SORCS2: variants seen among roughly 807,000 people sequenced by gnomAD.
SORCS2 encodes the protein sortilin related VPS10 domain containing receptor 2, also known as VPS10 domain-containing receptor SorCS2.
A neutral mutation model predicts 141.6 loss-of-function variants in SORCS2; 100 were observed. The ratio of observed to expected loss-of-function variants is 0.71; its 90% CI spans 0.60 to 0.83. The LOEUF (loss-of-function observed/expected upper bound fraction) is 0.83, where lower values mean the gene tolerates loss of function less well. SORCS2 is among the 40% of genes least tolerant of loss of function. The pLI is 0.00. For synonymous variants in SORCS2, 789 were observed against 676.9 expected (o/e 1.17, Z -2.57); for missense variants, 1,646 against 1,560.2 (o/e 1.05, Z -0.93).
At chr4:7,316,212 T>TTCCATCCA (rs376660766) in intron 1 of SORCS2, among the ~76,000 whole-genome samples, 20,671 of 150,284 alleles carry the variant, frequency 0.14, 1,716 homozygotes, top group Middle Eastern at 0.19. Context: ...CTAGCTTTCC[T>TTCCATCCA]TCCATCCATC....
At chr4:7,672,218 C>T (rs547242559) in intron 8 of SORCS2, among the ~76,000 whole-genome samples, 3 of 152,336 alleles carry the variant, frequency 2.0e-5, no homozygotes, top group African/African-American at 4.8e-5. Flanking sequence ...GCTGGGACTA[C>T]AGCCGTGATC....
chr4:7,210,721 G>T (rs1728014821), intron 1 of SORCS2, among the ~76,000 whole-genome samples: 1 of 152,200 alleles, frequency 6.6e-6, no homozygotes, highest in South Asian at 2.1e-4. Context: ...GGTGTATGGT[G>T]CCCACCTGAT....
intron 1 of SORCS2, among the ~76,000 whole-genome samples, chr4:7,385,284 G>C (rs1723222334): frequency 6.6e-6 from 1 of 152,180 alleles, no homozygotes; most frequent in South Asian, 2.1e-4. Flanking sequence ...TCCTCTCCCT[G>C]GTAAATAAAT....
At chr4:7,389,518 C>G (rs577340886) in intron 1 of SORCS2, among the ~76,000 whole-genome samples, 76 of 152,280 alleles carry the variant, frequency 5.0e-4, no homozygotes, top group African/African-American at 1.8e-3. Context: ...TGGGTCTTGG[C>G]TTTTCTGAGT....
chr4:7,692,173 C>T (rs776467811), intron 11 of SORCS2, among the ~76,000 whole-genome samples: 27 of 152,204 alleles, frequency 1.8e-4, no homozygotes, highest in Non-Finnish European at 3.1e-4. Flanking sequence ...GAGGAAAAGG[C>T]GCGTGGGCTG....
rs4689801 is a variant in SORCS2, at chr4:7,622,751, G to T, written c.649-15577G>T. ...CAGGAAACCAGAGCTTCAGGTCACA[G>T]TGGCCTCCACGAGATTGTAGAGAAC... On this transcript the variant is annotated intron_variant, in intron 3 of 26. Transcript: ENST00000507866. 1.0e-3 allele frequency among the ~76,000 whole-genome samples: 158 copies of T among 152,082 alleles called. 2 individuals carry two copies. In the East Asian group the frequency reaches 0.028, roughly 27 times the overall value.
chr4:7,711,176 G>T (rs1247715347), intron 14 of SORCS2, among the ~76,000 whole-genome samples: 1 of 152,220 alleles, frequency 6.6e-6, no homozygotes, highest in African/African-American at 2.4e-5. Context: ...TGCCTCTTGG[G>T]ACTGTTCTGG....
At chr4:7,333,447 G>C (rs538318044) in intron 1 of SORCS2, among the ~76,000 whole-genome samples, 1 of 152,362 alleles carries the variant, frequency 6.6e-6, no homozygotes, top group Non-Finnish European at 1.5e-5. Context: ...TGTTGTGGGG[G>C]TGTTTTGGTG....
intron 2 of SORCS2, among the ~76,000 whole-genome samples, chr4:7,460,631 C>T (rs542156456): frequency 1.2e-4 from 19 of 152,248 alleles, no homozygotes; most frequent in Admixed American, 2.6e-4. Flanking sequence ...AATTGCATGC[C>T]GAGAGCTGTG....
chr4:7,411,189 C>T (rs776492984), intron 2 of SORCS2, among the ~76,000 whole-genome samples: 8 of 151,842 alleles, frequency 5.3e-5, no homozygotes, highest in African/African-American at 9.7e-5. Context: ...CTCTTGAACT[C>T]GTGATCCACC....
chr4:7,392,047 CTCAAGAATT>C (rs1723899389), intron 1 of SORCS2, among the ~76,000 whole-genome samples: 1 of 152,238 alleles, frequency 6.6e-6, no homozygotes, highest in Admixed American at 6.5e-5. Flanking sequence ...TTCAGACATT[CTCAAGAATT>C]TCAAGACAGC....
intron 2 of SORCS2, among the ~76,000 whole-genome samples, chr4:7,438,113 C>A (rs927151240): frequency 1.3e-5 from 2 of 152,322 alleles, no homozygotes; most frequent in Middle Eastern, 3.4e-3. Flanking sequence ...TACCAGCAGC[C>A]CCAGTGCTGC....
intron 1 of SORCS2, among the ~76,000 whole-genome samples, chr4:7,364,940 C>T (rs1220038637): frequency 6.6e-6 from 1 of 152,342 alleles, no homozygotes; most frequent in East Asian, 1.9e-4. Flanking sequence ...TGCCACATCC[C>T]AGCTGGGAGC....
chr4:7,223,293 GCGCACACACA>G (rs1560121993), intron 1 of SORCS2, among the ~76,000 whole-genome samples: 2 of 75,354 alleles, frequency 2.7e-5, no homozygotes, highest in African/African-American at 8.7e-5. Context: ...TAGTGTATAT[GCGCACACACA>G]CACACACACA....
intron 3 of SORCS2, among the ~76,000 whole-genome samples, chr4:7,562,551 G>T (rs1394891051): frequency 6.6e-6 from 1 of 152,206 alleles, no homozygotes; most frequent in Admixed American, 6.5e-5. Context: ...TGTCTCTGTT[G>T]CATGTTCTAC....
At chr4:7,525,684 T>C (rs982296984) in intron 2 of SORCS2, among the ~76,000 whole-genome samples, 30 of 150,814 alleles carry the variant, frequency 2.0e-4, no homozygotes, top group African/African-American at 7.1e-4. Context: ...CCCAACTCAG[T>C]CACCTGTCCC....
chr4:7,433,874 A>G, intron 2 of SORCS2: 2 of 1,613,576 alleles, frequency 1.2e-6, no homozygotes, highest in Non-Finnish European at 1.7e-6. Context: ...AAGATGATGC[A>G]CTCCTTCGTG....
At chr4:7,468,880 C>T (rs1251295100) in intron 2 of SORCS2, among the ~76,000 whole-genome samples, 3 of 152,208 alleles carry the variant, frequency 2.0e-5, no homozygotes, top group African/African-American at 7.2e-5. Flanking sequence ...TCAGGCAGCT[C>T]TGTGTTTCTC....
At chr4:7,374,153 TTC>T (rs1722469582) in intron 1 of SORCS2, among the ~76,000 whole-genome samples, 1 of 146,982 alleles carries the variant, frequency 6.8e-6, no homozygotes, top group African/African-American at 2.6e-5. Flanking sequence ...CTTTCTTTCT[TTC>T]TTTCTTTCTT....
Sources: allele counts gnomAD v4.1 joint callset (sites outside exome capture counted in the v4.1 genomes callset), GRCh38; gene constraint gnomAD v4.1.1; transcripts MANE v1.5; gene names NCBI Gene and HGNC (gene_info 2026-07-23, HGNC 2026-07-21).